The following UNKL variants were observed in gnomAD, a reference collection of about 807,000 sequenced individuals.
UNKL encodes unk like zinc finger, also known as putative E3 ubiquitin-protein ligase UNKL.
Under a neutral mutation model 78.0 loss-of-function variants are expected in UNKL, and 60 were observed. The observed-to-expected ratio is 0.77, with a 90% CI of 0.63 to 0.95. The LOEUF is 0.95. Ranked by LOEUF, UNKL falls within the 40% of genes least tolerant of loss-of-function variation. The probability of loss-of-function intolerance (pLI) is 0.00; values close to 1 mark genes in which losing one functional copy is unlikely to be tolerated. For synonymous variants in UNKL, 608 were observed against 474.8 expected, an observed-to-expected ratio of 1.28 and a Z score of -3.65; for missense variants, 1,159 against 1,045.7, an observed-to-expected ratio of 1.11 and a Z score of -1.49.
intron 4 of UNKL, 45 bp downstream of exon 4, chr16:1,401,523 G>GGGGGGC: frequency 8.2e-6 from 12 of 1,470,266 alleles, no homozygotes; most frequent in Middle Eastern, 2.0e-4. Context: ...CTCGCGCTGT[G>GGGGGGC]CCCGCCCCCC....
At position 1,371,471 on chromosome 16, in the gene UNKL, C is replaced by T. The variant is rs2035833325; in HGVS notation, c.1357+48G>A. The T allele has an allele frequency of 2.6e-6, 4 of 1,519,722 alleles. No individual in the cohort carries two copies. The South Asian group carries it at 4.8e-5, about 18-fold the overall frequency. 94.1% of individuals were successfully genotyped at this position (1,519,722 alleles called of 1,614,324 possible). ...GCGATCCTCCGGCCACAGCACTTGG[C>T]TGTTCAGCGGCTGGAGGAGCAGGGC... On this transcript the variant is annotated intron_variant, in intron 11 of 14. Coordinates refer to ENST00000389221, the MANE Select transcript of UNKL (RefSeq NM_001372107.1).
At chr16:1,375,517 G>A (rs1000366525) in intron 10 of UNKL, among the ~76,000 whole-genome samples, 19 of 152,166 alleles carry the variant, frequency 1.2e-4, no homozygotes, top group Admixed American at 2.6e-4. Context: ...AGGCAGCAGG[G>A]CCCAGGGCAG....
At chr16:1,388,837 G>A (rs2036926174) in intron 9 of UNKL, among the ~76,000 whole-genome samples, 1 of 152,114 alleles carries the variant, frequency 6.6e-6, no homozygotes, top group African/African-American at 2.4e-5. Context: ...TTCGCCCCGT[G>A]GGGACAGCAC....
intron 2 of UNKL, among the ~76,000 whole-genome samples, chr16:1,409,295 G>A (rs551174242): frequency 5.9e-5 from 9 of 152,146 alleles, no homozygotes; most frequent in Non-Finnish European, 1.0e-4. Context: ...TACAAATTCC[G>A]AGGCAACCCT....
intron 10 of UNKL, among the ~76,000 whole-genome samples, chr16:1,372,309 G>T (rs1314711404): frequency 6.6e-6 from 1 of 152,080 alleles, no homozygotes; most frequent in Non-Finnish European, 1.5e-5. Context: ...CTGTGAGGGT[G>T]ATTTCAAGGA....
At chr16:1,401,462 C>G in intron 4 of UNKL, 106 bp downstream of exon 4, 3 of 1,299,196 alleles carry the variant, frequency 2.3e-6, no homozygotes, top group Non-Finnish European at 3.0e-6. Context: ...CCCATCTGAT[C>G]ACCTTGCACG....
At chr16:1,394,834 C>T (rs1240003304) in intron 6 of UNKL, among the ~76,000 whole-genome samples, 1 of 152,214 alleles carries the variant, frequency 6.6e-6, no homozygotes, top group African/African-American at 2.4e-5. Context: ...CCCCCCATGG[C>T]CCTTCCACCA....
rs566973903 is a variant in UNKL, at chr16:1,379,973, G to C, written c.1264+5235C>G. Reference sequence around the variant, plus strand: ...CTCCGGGCGGACTCAGGTGAAACACGGTCGACCCAACAGGGGCGCTCGCGG... The same window carrying C: ...CTCCGGGCGGACTCAGGTGAAACACCGTCGACCCAACAGGGGCGCTCGCGG... On this transcript the variant is annotated intron_variant, in intron 10 of 14. Coordinates refer to ENST00000389221, the MANE Select transcript of UNKL (RefSeq NM_001372107.1). Among the ~76,000 whole-genome samples, 34 of 152,288 alleles carry C rather than the reference G, an allele frequency of 2.2e-4. 2 individuals are homozygous for C. In the South Asian group the frequency reaches 6.8e-3, roughly 31 times the overall value.
chr16:1,367,094 C>A lies in UNKL; in HGVS notation c.2044G>T (p.Gly682Cys). ...QLRLDLEAVD[G>C]VIFQLRAKQC... ...ACCCTGCCCAGAGCAGGACTCACGC[C>A]GTCCACCGCCTCCAGGTCCAGGCGC... is the stretch of plus-strand genomic sequence containing the variant. The change falls in exon 14 of 15, where the codon GGC becomes TGC. Residue 682 changes from glycine to cysteine, a missense_variant and splice_region_variant. By Grantham distance (159) the Gly-to-Cys change is radical. Coordinates refer to ENST00000389221, the MANE Select transcript of UNKL (RefSeq NM_001372107.1). 1.3e-6 allele frequency: 2 copies of A among 1,557,072 alleles called. No homozygotes were observed. The highest frequency in any genetic ancestry group is 1.2e-5 in the South Asian group (1 of 83,556).
Position 1,367,160 on chromosome 16 carries a change from T to C in UNKL, c.1978A>G (p.Thr660Ala). ...GAGTGCAGCTTCGGCAGGGGAATGG[T>C]GCCGATGTCCCCACAGCCCCGCAGC... ...PGLRGCGDIG[T>A]IPLPKLHSLQ... is the part of the protein sequence containing the mutation. The change falls in exon 14 of 15, where the codon ACC (threonine) becomes GCC (alanine). Residue 660 changes from threonine to alanine, a missense_variant. Physicochemically the swap from Thr to Ala is moderately conservative, Grantham distance 58. Coordinates refer to ENST00000389221, the MANE Select transcript of UNKL (RefSeq NM_001372107.1). 3.7e-6 allele frequency: 6 copies of C among 1,604,086 alleles called. No individual in the cohort carries two copies. The highest frequency in any genetic ancestry group is 1.1e-5 in the South Asian group (1 of 89,430).
intron 10 of UNKL, chr16:1,379,036 G>A (rs1408883747): frequency 6.6e-6 from 1 of 152,254 alleles, no homozygotes; most frequent in Non-Finnish European, 1.5e-5. Flanking sequence ...GGTCAGGCCA[G>A]GCTGCCTCAG....
chr16:1,379,485 G>C, intron 10 of UNKL: 1 of 985,294 alleles, frequency 1.0e-6, no homozygotes, highest in Non-Finnish European at 1.2e-6. Flanking sequence ...AGAAGCCCGG[G>C]CCCACCCCGC....
Position 1,401,453 on chromosome 16 carries a change from C to T in UNKL, c.598+115G>A, listed in dbSNP as rs1454029584. 6 of 1,281,182 alleles carry T rather than the reference C, an allele frequency of 4.7e-6. No individual in the cohort carries two copies. In the East Asian group the frequency reaches 1.4e-4, roughly 31 times the overall value. The allele number at this position is 1,281,182 out of a possible 1,614,324, so 79.4% of individuals were successfully genotyped here. A position where few individuals can be genotyped will look rare whatever the true frequency, so the allele number is the denominator to read the frequency against. ...TTGGACTCCACGAGCCTCGGTTTCC[C>T]CATCTGATCACCTTGCACGTAAACT... On this transcript the variant is annotated intron_variant, in intron 4 of 14. Coordinates refer to ENST00000389221, the MANE Select transcript of UNKL (RefSeq NM_001372107.1).
intron 10 of UNKL, chr16:1,379,735 CGGCCCCGCCCCCGTCGCACT>C: frequency 1.0e-6 from 1 of 960,964 alleles, no homozygotes; most frequent in Non-Finnish European, 1.2e-6. Flanking sequence ...CAACGTGACT[CGGCCCCGCCCCCGTCGCACT>C]GGCCACGCCC....
intron 5 of UNKL, chr16:1,398,819 C>T: frequency 3.9e-6 from 6 of 1,554,704 alleles, no homozygotes; most frequent in Non-Finnish European, 5.2e-6. Context: ...ACCCACAAGC[C>T]AGACCCAGGG....
rs2035225907 is a variant in UNKL at position 1,366,066 on chromosome 16, G to A, written c.*174C>T. The A allele has an allele frequency of 1.8e-5, 12 of 676,386 alleles. No individual in the cohort carries two copies. The South Asian group carries it at 3.5e-4, about 20-fold the overall frequency. The allele number at this position is 676,386 out of a possible 1,614,324, so 41.9% of individuals were successfully genotyped here. Reference sequence around the variant, plus strand: ...ATAGGTGACAACGTGTGACAGGAAAGGCTGTCAGGCCAAGCGCAGGCGGGG... The same window carrying A: ...ATAGGTGACAACGTGTGACAGGAAAAGCTGTCAGGCCAAGCGCAGGCGGGG... On this transcript the variant is annotated 3_prime_UTR_variant, in exon 15 of 15. Coordinates refer to ENST00000389221, the MANE Select transcript of UNKL (RefSeq NM_001372107.1).
Position 1,366,035 on chromosome 16 carries a change from G to C in UNKL, c.*205C>G. ...GAAAATACCTTGAAACCGTCGGTAG[G>C]ACTAGATAGGTGACAACGTGTGACA... On this transcript the variant is annotated 3_prime_UTR_variant, in exon 15 of 15. Transcript: ENST00000389221. 1 of 540,740 alleles carries C rather than the reference G, an allele frequency of 1.8e-6. No individual in the cohort carries two copies. Among genetic ancestry groups the C allele is most frequent in the Non-Finnish European group, 3.1e-6 (1 of 324,062 alleles). The allele number at this position is 540,740 out of a possible 1,614,324, so 33.5% of individuals were successfully genotyped here. A position where few individuals can be genotyped will look rare whatever the true frequency, so the allele number is the denominator to read the frequency against.
rs564485516 is a variant in UNKL, at chr16:1,400,004, C to T, written c.599-495G>A. Among the ~76,000 whole-genome samples the T allele has an allele frequency of 4.1e-4, 63 of 152,260 alleles. No homozygotes were observed. The South Asian group carries it at 0.012, about 28-fold the overall frequency. ...TTCACTGTTGGTAAAGAGCGTACCT[C>T]GCAGTGCAGGAGGTGCACGGCAGGG... On this transcript the variant is annotated intron_variant, in intron 4 of 14. Transcript: ENST00000389221.
chr16:1,394,565 G>A (rs759106097), intron 6 of UNKL: 12 of 479,600 alleles, frequency 2.5e-5, no homozygotes, highest in Non-Finnish European at 3.7e-5. Context: ...AAAGGAACAC[G>A]TGTGTCTGTT....
Sources: allele counts gnomAD v4.1 joint callset (sites outside exome capture counted in the v4.1 genomes callset), GRCh38; gene constraint gnomAD v4.1.1; transcripts MANE v1.5; gene names NCBI Gene and HGNC (gene_info 2026-07-23, HGNC 2026-07-21).